TRHDE: variants seen among roughly 807,000 people sequenced by gnomAD.
The protein encoded by TRHDE is thyrotropin-releasing hormone-degrading ectoenzyme.
In TRHDE, 72 loss-of-function variants were observed where a neutral mutation model predicts 125.7. The ratio of observed to expected loss-of-function variants is 0.57; its 90% CI spans 0.47 to 0.70. The LOEUF (loss-of-function observed/expected upper bound fraction) is 0.70. TRHDE is among the 30% of genes least tolerant of loss of function. TRHDE has a pLI of 0.00. For missense variants in TRHDE, 1,110 were observed against 1,327.1 expected (o/e 0.84, Z 2.54); for synonymous variants, 509 against 509.1 (o/e 1.00, Z 0.00).
chr12:72,580,010 T>C (rs1481434028), intron 12 of TRHDE, among the ~76,000 whole-genome samples: 1 of 152,198 alleles, frequency 6.6e-6, no homozygotes, highest in Non-Finnish European at 1.5e-5. Flanking sequence ...TTTATCTTGT[T>C]CTTATTCAGA....
chr12:72,452,208 C>T (rs1490368770), intron 3 of TRHDE, among the ~76,000 whole-genome samples: 1 of 151,742 alleles, frequency 6.6e-6, no homozygotes, highest in Non-Finnish European at 1.5e-5. Context: ...TTTGTAGATA[C>T]TGTAAACAGG....
intron 18 of TRHDE, among the ~76,000 whole-genome samples, chr12:72,658,460 C>G (rs1395369132): frequency 7.9e-5 from 12 of 152,112 alleles, no homozygotes; most frequent in Non-Finnish European, 5.9e-5. Context: ...TTCTCTCCTT[C>G]TCTTTTATCT....
intron 1 of TRHDE, among the ~76,000 whole-genome samples, chr12:72,092,986 C>T (rs1874827750): frequency 6.6e-6 from 1 of 152,168 alleles, no homozygotes; most frequent in Non-Finnish European, 1.5e-5. Flanking sequence ...TTAACCTCTC[C>T]ATTTCCCCTG....
chr12:72,313,491 G>A (rs1868645771), intron 2 of TRHDE, among the ~76,000 whole-genome samples: 1 of 151,850 alleles, frequency 6.6e-6, no homozygotes, highest in African/African-American at 2.4e-5. Context: ...ATATATTATT[G>A]TACTGAAATT....
At chr12:72,384,026 G>A (rs1341634105) in intron 3 of TRHDE, among the ~76,000 whole-genome samples, 1 of 152,032 alleles carries the variant, frequency 6.6e-6, no homozygotes, top group Non-Finnish European at 1.5e-5. Context: ...AAGTGCACAT[G>A]TTATAACTCA....
intron 3 of TRHDE, among the ~76,000 whole-genome samples, chr12:72,440,793 C>T (rs1297053250): frequency 1.3e-5 from 2 of 151,750 alleles, no homozygotes; most frequent in Non-Finnish European, 2.9e-5. Flanking sequence ...AGATCGCACC[C>T]AACACAGGGT....
intron 3 of TRHDE, among the ~76,000 whole-genome samples, chr12:72,441,627 A>C (rs1297840974): frequency 6.6e-6 from 1 of 152,004 alleles, no homozygotes; most frequent in Middle Eastern, 3.4e-3. Flanking sequence ...ATAAAATATA[A>C]GTAATATCAG....
chr12:72,483,163 GA>G (rs1877252252), intron 5 of TRHDE, among the ~76,000 whole-genome samples: 1 of 151,724 alleles, frequency 6.6e-6, no homozygotes, highest in Non-Finnish European at 1.5e-5. Context: ...CTCAGTCAGG[GA>G]TGGGAGACAC....
intron 2 of TRHDE, among the ~76,000 whole-genome samples, chr12:72,352,031 A>G (rs1362031999): frequency 6.6e-6 from 1 of 151,904 alleles, no homozygotes; most frequent in African/African-American, 2.4e-5. Context: ...ATAGACTCTT[A>G]TAATGTTGAC....
chr12:72,342,127 A>G (rs917813046), intron 2 of TRHDE, among the ~76,000 whole-genome samples: 1 of 152,090 alleles, frequency 6.6e-6, no homozygotes, highest in African/African-American at 2.4e-5. Context: ...AGAATTGCCC[A>G]TATTTGTTAC....
At chr12:72,467,541 G>T (rs1876440530) in intron 3 of TRHDE, among the ~76,000 whole-genome samples, 2 of 152,188 alleles carry the variant, frequency 1.3e-5, no homozygotes, top group African/African-American at 4.8e-5. Flanking sequence ...AACCAGCCAG[G>T]CGCGATGGCT....
chr12:72,516,629 C>G (rs1374025975), intron 6 of TRHDE, among the ~76,000 whole-genome samples: 1 of 151,854 alleles, frequency 6.6e-6, no homozygotes, highest in East Asian at 1.9e-4. Flanking sequence ...AATTGAATAC[C>G]CTTTATTTCC....
At chr12:72,473,038 T>A in intron 4 of TRHDE, 29 bp from the exon 5 acceptor site, 1 of 1,511,790 alleles carries the variant, frequency 6.6e-7, no homozygotes, top group Non-Finnish European at 9.2e-7. Context: ...TTTTATTTTA[T>A]TTGATGACCA....
At chr12:72,494,895 CT>C (rs956263814) in intron 5 of TRHDE, among the ~76,000 whole-genome samples, 2 of 151,980 alleles carry the variant, frequency 1.3e-5, no homozygotes, top group Non-Finnish European at 2.9e-5. Flanking sequence ...GCACTCGCCT[CT>C]TATCTTAGAC....
chr12:72,550,927 C>T (rs944940032), intron 7 of TRHDE, among the ~76,000 whole-genome samples: 1 of 151,772 alleles, frequency 6.6e-6, no homozygotes, highest in Non-Finnish European at 1.5e-5. Context: ...TCAGTGTATA[C>T]ATTATATCAT....
intron 12 of TRHDE, among the ~76,000 whole-genome samples, chr12:72,582,041 G>A (rs940472901): frequency 7.3e-6 from 1 of 136,264 alleles, no homozygotes; most frequent in African/African-American, 2.8e-5. Flanking sequence ...GGCGGAACTT[G>A]TAGTGAGCCA....
At chr12:72,505,744 C>T (rs116392146) in intron 6 of TRHDE, among the ~76,000 whole-genome samples, 69 of 152,218 alleles carry the variant, frequency 4.5e-4, no homozygotes, top group Middle Eastern at 6.8e-3. Context: ...TAACTTGCTG[C>T]GCTTTGCCAA....
chr12:72,311,695 T>C (rs1868550024), intron 2 of TRHDE, among the ~76,000 whole-genome samples: 1 of 152,186 alleles, frequency 6.6e-6, no homozygotes, highest in Non-Finnish European at 1.5e-5. Flanking sequence ...TCCATTATAT[T>C]GGCCAATTTG....
intron 12 of TRHDE, among the ~76,000 whole-genome samples, chr12:72,576,512 A>G (rs1176389585): frequency 6.6e-6 from 1 of 152,156 alleles, no homozygotes; most frequent in African/African-American, 2.4e-5. Flanking sequence ...AAGCTTACAC[A>G]TAGAAGACTT....
Sources: allele counts gnomAD v4.1 joint callset (sites outside exome capture counted in the v4.1 genomes callset), GRCh38; gene constraint gnomAD v4.1.1; transcripts MANE v1.5; gene names NCBI Gene and HGNC (gene_info 2026-07-23, HGNC 2026-07-21).